ZBBX: variants seen among roughly 807,000 people sequenced by gnomAD.
ZBBX encodes the protein zinc finger B-box domain-containing protein 1.
ZBBX carries 101 observed loss-of-function variants against 108.5 expected under a neutral mutation model. The ratio of observed to expected loss-of-function variants is 0.93; its 90% confidence interval spans 0.79 to 1.10. The LOEUF is 1.10. Among genes scored for constraint, ZBBX ranks in the 50% least tolerant of loss-of-function variants. The pLI, the probability that ZBBX is intolerant of heterozygous loss-of-function variation, is 0.00. For missense variants in ZBBX, 1,009 were observed against 941.4 expected (o/e 1.07, Z -0.94); for synonymous variants, 356 against 323.4 (o/e 1.10, Z -1.08).
chr3:167,377,685 T>A (rs1747179943), intron 2 of ZBBX, among the ~76,000 whole-genome samples: 2 of 151,680 alleles, frequency 1.3e-5, no homozygotes, highest in Non-Finnish European at 2.9e-5. Context: ...TATATATATT[T>A]TTTAAAATAT....
the ZBBX span, among the ~76,000 whole-genome samples, chr3:167,206,990 A>G: frequency 1.3e-5 from 2 of 152,334 alleles, no homozygotes; most frequent in East Asian, 3.9e-4. Flanking sequence ...CATAAAATGG[A>G]TTAAAGACCT....
intron 11 of ZBBX, among the ~76,000 whole-genome samples, chr3:167,326,317 T>C (rs547791493): frequency 6.6e-6 from 1 of 152,162 alleles, no homozygotes; most frequent in Non-Finnish European, 1.5e-5. Context: ...TATGTGTGTG[T>C]ACATAACTAT....
chr3:167,397,120 G>A (rs762718191), intron 1 of ZBBX, among the ~76,000 whole-genome samples: 4 of 104,282 alleles, frequency 3.8e-5, no homozygotes, highest in East Asian at 2.6e-4. Flanking sequence ...GATATTAGTC[G>A]TGAAGAAGAG....
intron 10 of ZBBX, among the ~76,000 whole-genome samples, chr3:167,331,980 G>A (rs1363706592): frequency 2.6e-5 from 4 of 152,248 alleles, no homozygotes; most frequent in African/African-American, 7.2e-5. Context: ...CATAAGAGAA[G>A]CATCAGGCAT....
chr3:167,262,316 C>A (rs1724690905), intron 20 of ZBBX, among the ~76,000 whole-genome samples: 1 of 152,194 alleles, frequency 6.6e-6, no homozygotes, highest in African/African-American at 2.4e-5. Flanking sequence ...AACTAAAATT[C>A]ACAATGCGAG....
chr3:167,326,318 A>G (rs746281452), intron 11 of ZBBX, among the ~76,000 whole-genome samples: 8 of 152,164 alleles, frequency 5.3e-5, no homozygotes, highest in Non-Finnish European at 1.0e-4. Flanking sequence ...ATGTGTGTGT[A>G]CATAACTATG....
downstream of ZBBX, among the ~76,000 whole-genome samples, chr3:167,237,434 T>C (rs1002284877): frequency 2.0e-5 from 3 of 151,834 alleles, no homozygotes; most frequent in South Asian, 6.2e-4. Flanking sequence ...TATCCAATAG[T>C]GGTTAAAGGC....
intron 8 of ZBBX, among the ~76,000 whole-genome samples, chr3:167,356,116 G>A (rs929408518): frequency 2.0e-5 from 3 of 152,170 alleles, no homozygotes; most frequent in South Asian, 2.1e-4. Context: ...CATAGCTCCT[G>A]TATAATTCGT....
At chr3:167,179,296 G>A in the ZBBX span, among the ~76,000 whole-genome samples, 1 of 152,228 alleles carries the variant, frequency 6.6e-6, no homozygotes, top group Non-Finnish European at 1.5e-5. Context: ...GGCAAGTTGG[G>A]CATTGCTGGA....
intron 20 of ZBBX, among the ~76,000 whole-genome samples, chr3:167,279,632 T>C (rs1337075197): frequency 6.6e-6 from 1 of 151,974 alleles, no homozygotes; most frequent in Non-Finnish European, 1.5e-5. Flanking sequence ...TCCATGCTCA[T>C]GGGTAGGAAG....
chr3:167,324,577 T>G (rs1367036412), intron 11 of ZBBX, among the ~76,000 whole-genome samples: 1 of 152,136 alleles, frequency 6.6e-6, no homozygotes, highest in Non-Finnish European at 1.5e-5. Context: ...GCATGACTTT[T>G]TCATTCCTAG....
the ZBBX span, among the ~76,000 whole-genome samples, chr3:167,204,899 C>G: frequency 6.9e-6 from 1 of 145,676 alleles, no homozygotes; most frequent in Non-Finnish European, 1.5e-5. Flanking sequence ...GACAGGAACT[C>G]AGACCAAAAA....
intron 20 of ZBBX, among the ~76,000 whole-genome samples, chr3:167,275,711 C>A (rs553813145): frequency 6.6e-6 from 1 of 152,182 alleles, no homozygotes; most frequent in African/African-American, 2.4e-5. Context: ...GAGGGGTGCC[C>A]GCCATTGCCC....
chr3:167,312,511 G>A (rs1034812737), intron 16 of ZBBX, among the ~76,000 whole-genome samples: 1 of 152,168 alleles, frequency 6.6e-6, no homozygotes, highest in Admixed American at 6.5e-5. Flanking sequence ...AGCTGATAAT[G>A]GGGGAGGCTA....
chr3:167,284,179 C>CATATATATATATATATATATATAT (rs202245834), intron 19 of ZBBX, among the ~76,000 whole-genome samples: 6 of 117,604 alleles, frequency 5.1e-5, no homozygotes, highest in Non-Finnish European at 8.3e-5. Context: ...GTGTTAAAAA[C>CATATATATATATATATATATATAT]ATATATCTAT....
chr3:167,330,486 C>T (rs546803609), intron 10 of ZBBX, among the ~76,000 whole-genome samples: 1 of 152,150 alleles, frequency 6.6e-6, no homozygotes, highest in East Asian at 1.9e-4. Flanking sequence ...TATGTTGAAG[C>T]CCTAACCCCC....
upstream of ZBBX, among the ~76,000 whole-genome samples, chr3:167,385,102 G>C (rs2108634318): frequency 6.6e-6 from 1 of 152,118 alleles, no homozygotes; most frequent in African/African-American, 2.4e-5. Flanking sequence ...GTCTCTTAAT[G>C]ATGAGGATAT....
rs1430204886 is a variant in ZBBX at position 167,379,749 on chromosome 3, CA to C, written c.-244del. 1 of 152,066 alleles carries C rather than the reference CA, an allele frequency of 6.6e-6. No homozygotes were observed. The allele number at this position is 152,066 out of a possible 1,614,324, so 9.4% of individuals were successfully genotyped here. A position where few individuals can be genotyped will look rare whatever the true frequency, so the allele number is the denominator to read the frequency against. ...GCCCTTACTTGTGAGGAGTAGACTT[CA>C]AGAAGTAAGTGGGTGCATGTGAACG... On this transcript the variant is annotated 5_prime_UTR_variant, in exon 2 of 22. It removes the in-frame stop codon of an upstream open reading frame in the 5' UTR. Transcript: ENST00000675490.
At chr3:167,325,671 C>T (rs1455701688) in intron 11 of ZBBX, among the ~76,000 whole-genome samples, 3 of 152,130 alleles carry the variant, frequency 2.0e-5, no homozygotes, top group African/African-American at 7.2e-5. Flanking sequence ...ACTGCTTTTG[C>T]ACATCATTTG....
Sources: gnomAD v4.1 joint callset for allele counts (sites outside exome capture counted in the v4.1 genomes callset) on GRCh38, gnomAD v4.1.1 for gene constraint, MANE v1.5 for transcripts, NCBI Gene and HGNC (gene_info 2026-07-23, HGNC 2026-07-21) for gene names.